DOCK7: variants seen among roughly 807,000 people sequenced by gnomAD.
DOCK7 encodes dedicator of cytokinesis 7.
Under a neutral mutation model 271.0 loss-of-function variants are expected in DOCK7, and 138 were observed. The observed-to-expected ratio is 0.51, with a 90% CI of 0.44 to 0.59. The LOEUF is 0.59. Ranked by LOEUF, DOCK7 falls within the 20% of genes least tolerant of loss-of-function variation. The probability of loss-of-function intolerance (pLI) is 0.00; values close to 1 mark genes in which losing one functional copy is unlikely to be tolerated. For missense variants in DOCK7, 2,066 were observed against 2,592.4 expected (o/e 0.80, Z 4.41); for synonymous variants, 823 against 876.1 (o/e 0.94, Z 1.07).
intron 12 of DOCK7, 176 bp downstream of exon 12, chr1:62,625,083 G>A: frequency 2.1e-6 from 1 of 486,984 alleles, no homozygotes; most frequent in East Asian, 3.2e-5. Context: ...AAAATAATAG[G>A]AACAATATAA....
chr1:62,633,439 G>C, intron 10 of DOCK7, 59 bp downstream of exon 10: 53 of 1,248,046 alleles, frequency 4.2e-5, no homozygotes, highest in Admixed American at 7.3e-5. Flanking sequence ...TGGGAGAATA[G>C]TATTCTCCCA....
At chr1:62,512,222 T>C (rs970078710) in intron 33 of DOCK7, among the ~76,000 whole-genome samples, 1 of 152,240 alleles carries the variant, frequency 6.6e-6, no homozygotes, top group African/African-American at 2.4e-5. Context: ...ATTCATATTT[T>C]AAGTCAACAA....
chr1:62,633,621 T>C (rs768642212), intron 9 of DOCK7, 43 bp from the exon 10 acceptor site: 7 of 1,425,532 alleles, frequency 4.9e-6, no homozygotes, highest in South Asian at 1.2e-5. Flanking sequence ...TTTAAAAGCC[T>C]GAAATTCAAG....
At chr1:62,466,304 C>T (rs1244514230) in intron 48 of DOCK7, among the ~76,000 whole-genome samples, 1 of 152,008 alleles carries the variant, frequency 6.6e-6, no homozygotes. Context: ...GAGAAGTGAG[C>T]ACCAGGATTT....
intron 31 of DOCK7, among the ~76,000 whole-genome samples, chr1:62,517,870 C>G (rs1644713272): frequency 6.6e-6 from 1 of 152,162 alleles, no homozygotes; most frequent in African/African-American, 2.4e-5. Context: ...CTTAGCGAAA[C>G]TCTTCTACAG....
At chr1:62,601,956 T>A in intron 14 of DOCK7, 1 of 876,996 alleles carries the variant, frequency 1.1e-6, no homozygotes, top group Non-Finnish European at 1.9e-6. Flanking sequence ...ATTAACCTGG[T>A]TATCATTGTT....
chr1:62,595,354 T>C (rs1649072109), intron 14 of DOCK7, among the ~76,000 whole-genome samples: 1 of 152,170 alleles, frequency 6.6e-6, no homozygotes, highest in African/African-American at 2.4e-5. Context: ...GCTCTGAAAA[T>C]ATAAACTTTT....
At chr1:62,556,194 C>T (rs969547973) in intron 20 of DOCK7, among the ~76,000 whole-genome samples, 4 of 151,896 alleles carry the variant, frequency 2.6e-5, no homozygotes, top group African/African-American at 7.3e-5. Flanking sequence ...AAAATGAGAA[C>T]TCATTTTACT....
intron 41 of DOCK7, 40 bp from the exon 42 acceptor site, chr1:62,489,105 C>A: frequency 6.6e-7 from 1 of 1,506,152 alleles, no homozygotes; most frequent in Non-Finnish European, 8.9e-7. Context: ...CTTTCTTTTA[C>A]ATCAATAAGA....
chr1:62,568,796 T>A (rs1571579178), intron 18 of DOCK7, among the ~76,000 whole-genome samples: 1 of 146,764 alleles, frequency 6.8e-6, no homozygotes, highest in Non-Finnish European at 1.5e-5. Flanking sequence ...AATTAACAGA[T>A]CCAGAAGCTG....
chr1:62,653,815 A>T (rs1477099400), intron 3 of DOCK7, 22 bp from the exon 4 acceptor site: 8 of 1,542,450 alleles, frequency 5.2e-6, no homozygotes, highest in Non-Finnish European at 4.5e-6. Flanking sequence ...AGGAAAATAC[A>T]TTTGTAATTT....
chr1:62,589,589 C>A (rs1361627646), intron 14 of DOCK7, among the ~76,000 whole-genome samples: 1 of 150,148 alleles, frequency 6.7e-6, no homozygotes, highest in Admixed American at 6.6e-5. Context: ...TGTTTCTAGA[C>A]AATTTAAGTA....
intron 12 of DOCK7, among the ~76,000 whole-genome samples, chr1:62,621,092 C>T (rs1653166219): frequency 6.6e-6 from 1 of 151,512 alleles, no homozygotes; most frequent in South Asian, 2.1e-4. Flanking sequence ...AAATCTGCAG[C>T]ACTGGCTAAG....
At position 62,649,181 on chromosome 1, in the gene DOCK7, T is replaced by C. The variant is rs139450689; in HGVS notation, c.390-637A>G. 1.8e-3 allele frequency among the ~76,000 whole-genome samples: 268 copies of C among 152,264 alleles called. 2 individuals carry two copies. Among genetic ancestry groups the C allele is most frequent in the African/African-American group, 5.8e-3 (243 of 41,562 alleles). On this transcript the variant is annotated intron_variant, in intron 4 of 49. Transcript: ENST00000635253. ...CAACCTAATACCCAAGAACATCAAA[T>C]ATGAGCTGATCAAAAAGCAATTATT...
At position 62,557,470 on chromosome 1, in the gene DOCK7, C is replaced by T. The variant is rs540227027; in HGVS notation, c.2432-1481G>A. ...GCCCTACTCAACCCTGCTTTCTCTT[C>T]TAACTTAACTTCTTAAATAGTAGTA... is the stretch of plus-strand genomic sequence containing the variant. On this transcript the variant is annotated intron_variant, in intron 20 of 49. Transcript: ENST00000635253. Among the ~76,000 whole-genome samples, 5 of 151,354 alleles carry T rather than the reference C, an allele frequency of 3.3e-5. No homozygotes were observed. In the South Asian group the frequency reaches 6.3e-4, roughly 19 times the overall value.
chr1:62,456,970 G>C (rs1340294046), intron 49 of DOCK7, among the ~76,000 whole-genome samples: 1 of 152,176 alleles, frequency 6.6e-6, no homozygotes, highest in Non-Finnish European at 1.5e-5. Context: ...TGCAGTTATT[G>C]TGTCCTTTCC....
At chr1:62,620,018 G>A (rs201449270) in intron 12 of DOCK7, 25 bp from the exon 13 acceptor site, 4 of 1,582,866 alleles carry the variant, frequency 2.5e-6, no homozygotes, top group East Asian at 2.2e-5. Flanking sequence ...AGAGGAAAAA[G>A]TATTTGATAA....
chr1:62,626,820 T>C (rs552810910), intron 11 of DOCK7, among the ~76,000 whole-genome samples: 1 of 152,200 alleles, frequency 6.6e-6, no homozygotes, highest in East Asian at 1.9e-4. Flanking sequence ...TCTTCCAAAC[T>C]TTCAAAGAAT....
intron 15 of DOCK7, among the ~76,000 whole-genome samples, 164 bp from the exon 16 acceptor site, chr1:62,583,418 TTAACTA>T (rs1647198485): frequency 6.6e-6 from 1 of 152,212 alleles, no homozygotes; most frequent in South Asian, 2.1e-4. Context: ...GTTCAATTGC[TTAACTA>T]TAAGTTTCTT....
Sources: allele counts gnomAD v4.1 joint callset (sites outside exome capture counted in the v4.1 genomes callset), GRCh38; gene constraint gnomAD v4.1.1; transcripts MANE v1.5; gene names NCBI Gene and HGNC (gene_info 2026-07-23, HGNC 2026-07-21).